ZNF234: variants seen among roughly 807,000 people sequenced by gnomAD.
ZNF234 encodes C2-H2 type zinc finger protein.
ZNF234 carries 4 observed loss-of-function variants against 10.3 expected under a neutral mutation model. The observed-to-expected ratio is 0.39, with a 90% CI of 0.19 to 0.89. The LOEUF is 0.89. Among genes scored for constraint, ZNF234 ranks in the 40% least tolerant of loss-of-function variants. The pLI is 0.38. For missense variants in ZNF234, 711 were observed against 836.1 expected (o/e 0.85, Z 1.85); for synonymous variants, 258 against 280.1 (o/e 0.92, Z 0.79).
chr19:44,143,472 G>A (rs372726721), intron 2 of ZNF234, among the ~76,000 whole-genome samples: 22 of 151,968 alleles, frequency 1.4e-4, no homozygotes, highest in African/African-American at 4.8e-4. Context: ...AGCCGGGCGT[G>A]TTGGCGGGCA....
intron 1 of ZNF234, chr19:44,142,110 C>G (rs1317019269): frequency 2.6e-5 from 4 of 152,364 alleles, no homozygotes; most frequent in African/African-American, 7.2e-5. Context: ...CCTGTTAGGT[C>G]CCCCGGTGGG....
intron 3 of ZNF234, among the ~76,000 whole-genome samples, chr19:44,146,910 G>A (rs1449072472): frequency 6.7e-6 from 1 of 149,692 alleles, no homozygotes; most frequent in African/African-American, 2.5e-5. Context: ...ATGCCTCCCG[G>A]GTTCAAGTGA....
In ZNF234 at chr19:44,157,486, A is replaced by C. The variant is rs769009980; in HGVS notation, c.1470A>C (p.Gly490=). Residue 490 remains glycine, a synonymous_variant, in exon 6 of 6, where the codon GGA becomes GGC. Transcript: ENST00000426739. The part of the protein sequence containing the change: ...GEKPYKCEEC[G]KGFSRRADLK... ...AACCATACAAATGTGAAGAGTGCGG[A>C]AAGGGATTTAGTCGTAGAGCAGATC... 3.4e-5 allele frequency: 55 copies of C among 1,613,854 alleles called. No homozygotes were observed. The highest frequency in any genetic ancestry group is 4.3e-5 in the Non-Finnish European group (51 of 1,179,936).
intron 4 of ZNF234, 51 bp from the exon 5 acceptor site, chr19:44,150,362 A>T: frequency 6.9e-7 from 1 of 1,442,078 alleles, no homozygotes; most frequent in Non-Finnish European, 9.4e-7. Context: ...CAGTAAGTTC[A>T]GTTGTACCTT....
At chr19:44,147,523 CGA>C (rs1187974736) in intron 3 of ZNF234, among the ~76,000 whole-genome samples, 3 of 152,172 alleles carry the variant, frequency 2.0e-5, no homozygotes, top group East Asian at 1.9e-4. Context: ...CAGGTGTGAG[CGA>C]CTGTGCATGG....
Position 44,157,342 on chromosome 19 carries a change from T to G in ZNF234, c.1326T>G (p.Tyr442Ter). 1 of 1,613,962 alleles carries G rather than the reference T, an allele frequency of 6.2e-7. No homozygotes were observed. ...VCGKAFRQSS[Y>*]LKIHLKAHSV... ...GTAAAGCCTTCCGTCAGAGTTCATA[T>G]CTTAAAATCCATCTGAAAGCACATA... The change falls in exon 6 of 6, where the codon TAT (tyrosine) becomes TAG (stop). Residue 442 changes from tyrosine to a stop codon, truncating the protein, a stop_gained. Coordinates refer to ENST00000426739, the MANE Select transcript of ZNF234 (RefSeq NM_006630.3). LOFTEE classifies it low-confidence loss of function (END_TRUNC).
chr19:44,148,715 GTTTCT>G lies in ZNF234; in HGVS notation c.16-51_16-47del, dbSNP rs3215367. The G allele has an allele frequency of 6.8e-6, 11 of 1,608,104 alleles. No homozygotes were observed. In the East Asian group the frequency reaches 2.2e-4, roughly 33 times the overall value. On this transcript the variant is annotated intron_variant, in intron 3 of 5. Coordinates refer to ENST00000426739, the MANE Select transcript of ZNF234 (RefSeq NM_006630.3). Reference sequence around the variant, plus strand: ...ACATACTCTCCACTTTCTCAGTGCTGTTTCTTTTCAAGAGTTTGTTAAAAAGGCTG... The same window carrying G: ...ACATACTCTCCACTTTCTCAGTGCTGTTTCAAGAGTTTGTTAAAAAGGCTG...
intron 4 of ZNF234, among the ~76,000 whole-genome samples, chr19:44,149,422 T>A (rs1166527044): frequency 6.6e-6 from 1 of 152,116 alleles, no homozygotes; most frequent in Non-Finnish European, 1.5e-5. Context: ...CACTCCAGCC[T>A]GGGTGACAGA....
At position 44,159,626 on chromosome 19, in the gene ZNF234, TA is replaced by T. The variant is rs1371767279; in HGVS notation, c.*1508del. The T allele has an allele frequency of 6.3e-6, 3 of 474,622 alleles. No homozygotes were observed. The highest frequency in any genetic ancestry group is 1.9e-5 in the African/African-American group (1 of 51,370). 29.4% of individuals were successfully genotyped at this position (474,622 alleles called of 1,614,324 possible). A position where few individuals can be genotyped will look rare whatever the true frequency, so the allele number is the denominator to read the frequency against. Reference sequence around the variant, plus strand: ...TCTAACACTTTTAAAGTGTCAGAAGTAGTTGCCAATGCCAAATTTTTATCAG... The same window carrying T: ...TCTAACACTTTTAAAGTGTCAGAAGTGTTGCCAATGCCAAATTTTTATCAG... On this transcript the variant is annotated 3_prime_UTR_variant, in exon 6 of 6. Coordinates refer to ENST00000426739, the MANE Select transcript of ZNF234 (RefSeq NM_006630.3).
chr19:44,157,066 T>C lies in ZNF234; in HGVS notation c.1050T>C (p.Gly350=). 6.2e-7 allele frequency: 1 copy of C among 1,614,130 alleles called. No individual in the cohort carries two copies. The highest frequency in any genetic ancestry group is 8.5e-7 in the Non-Finnish European group (1 of 1,180,002). Residue 350 remains glycine (G), a synonymous_variant, in exon 6 of 6, where the codon GGT becomes GGC. Coordinates refer to ENST00000426739, the MANE Select transcript of ZNF234 (RefSeq NM_006630.3). The part of the protein sequence containing the change: ...GEKPYKCEEC[G]KCFIQPSQFQ... The stretch of plus-strand genomic sequence containing the variant: ...AACCTTACAAGTGTGAAGAATGTGG[T>C]AAGTGCTTTATTCAGCCTTCACAAT...
At chr19:44,153,637 T>G (rs1968802449) in intron 5 of ZNF234, among the ~76,000 whole-genome samples, 1 of 152,222 alleles carries the variant, frequency 6.6e-6, no homozygotes, top group Non-Finnish European at 1.5e-5. Flanking sequence ...GCTTTCTTTT[T>G]ATCCCAAGTG....
intron 2 of ZNF234, 23 bp from the exon 3 acceptor site, chr19:44,144,534 G>A: frequency 8.7e-7 from 1 of 1,145,002 alleles, no homozygotes; most frequent in South Asian, 2.8e-5. Flanking sequence ...ACGCTTTCAT[G>A]TCTCTTTTTG....
rs763499774 is a variant in ZNF234 at position 44,157,413 on chromosome 19, A to G, written c.1397A>G (p.Asn466Ser). The change falls in exon 6 of 6, where the codon AAT becomes AGT. Residue 466 changes from asparagine to serine, a missense_variant. By Grantham distance (46) the Asn-to-Ser change is conservative. Coordinates refer to ENST00000426739, the MANE Select transcript of ZNF234 (RefSeq NM_006630.3). Reference protein sequence around the residue: ...FKCEECGQGFNQSSRLQIHQL... With the variant: ...FKCEECGQGFSQSSRLQIHQL... The stretch of plus-strand genomic sequence containing the variant: ...TGTGAAGAGTGTGGGCAGGGCTTCA[A>G]TCAGAGCTCACGACTTCAGATTCAC... 48 of 1,613,662 alleles carry G rather than the reference A, an allele frequency of 3.0e-5. No individual in the cohort carries two copies. Among genetic ancestry groups the G allele is most frequent in the Non-Finnish European group, 3.7e-5 (44 of 1,179,838 alleles).
At chr19:44,155,926 A>G (rs1968867820) in intron 5 of ZNF234, among the ~76,000 whole-genome samples, 4 of 152,070 alleles carry the variant, frequency 2.6e-5, no homozygotes, top group African/African-American at 9.7e-5. Context: ...ATAATTTACT[A>G]TTTATTATTC....
In ZNF234 at chr19:44,157,984, A is replaced by G. The variant is rs1306151331; in HGVS notation, c.1968A>G (p.Ile656Met). Residue 656 changes from isoleucine to methionine, a missense_variant, in exon 6 of 6, where the codon ATA becomes ATG. By Grantham distance (10) the Ile-to-Met change is conservative. Transcript: ENST00000426739. ...GGGAAAAACCTTACAAATGTGAGAT[A>G]TGTGGTAAGAGGTTCAGCTGGCGAT... ...HTGEKPYKCEICGKRFSWRSN... is the reference protein window; with the variant it reads ...HTGEKPYKCEMCGKRFSWRSN... The G allele has an allele frequency of 6.2e-7, 1 of 1,614,004 alleles. No individual in the cohort carries two copies. The highest frequency in any genetic ancestry group is 8.5e-7 in the Non-Finnish European group (1 of 1,179,894).
At chr19:44,151,019 G>C (rs1599697655) in intron 5 of ZNF234, among the ~76,000 whole-genome samples, 1 of 143,154 alleles carries the variant, frequency 7.0e-6, no homozygotes, top group South Asian at 2.3e-4. Flanking sequence ...GCAACAGAGC[G>C]ACACTCCATC....
rs959294791 is a variant in ZNF234, at chr19:44,159,485, T to C, written c.*1366T>C. 3 of 341,730 alleles carry C rather than the reference T, an allele frequency of 8.8e-6. No individual in the cohort carries two copies. The highest frequency in any genetic ancestry group is 6.4e-5 in the African/African-American group (3 of 47,206). 21.2% of individuals were successfully genotyped at this position (341,730 alleles called of 1,614,324 possible). Reference sequence around the variant, plus strand: ...CACCACACCCGGCCAAGTTGAAGTATATTTTGTGATTTTTCTGACAGTGCA... The same window carrying C: ...CACCACACCCGGCCAAGTTGAAGTACATTTTGTGATTTTTCTGACAGTGCA... On this transcript the variant is annotated 3_prime_UTR_variant, in exon 6 of 6. Coordinates refer to ENST00000426739, the MANE Select transcript of ZNF234 (RefSeq NM_006630.3).
rs1234391721 is a variant in ZNF234, at chr19:44,156,825, T to C, written c.809T>C (p.Ile270Thr). The change falls in exon 6 of 6, where the codon ATA becomes ACA. Residue 270 changes from isoleucine to threonine, a missense_variant. By Grantham distance (89) the Ile-to-Thr change is moderately conservative. Transcript: ENST00000426739. Reference protein sequence around the residue: ...YNCEECGRAFIHASHLQEHQR... With the variant: ...YNCEECGRAFTHASHLQEHQR... ...TGTGAGGAATGTGGAAGGGCCTTCATACATGCTTCCCATCTTCAGGAACAT... is the reference window on the plus strand; with the variant it reads ...TGTGAGGAATGTGGAAGGGCCTTCACACATGCTTCCCATCTTCAGGAACAT... The C allele has an allele frequency of 1.9e-6, 3 of 1,609,676 alleles. No homozygotes were observed. Among genetic ancestry groups the C allele is most frequent in the Admixed American group, 1.7e-5 (1 of 59,906 alleles).
In ZNF234 at chr19:44,156,932, C is replaced by T. The variant is rs1169218177; in HGVS notation, c.916C>T (p.His306Tyr). 6.2e-7 allele frequency: 1 copy of T among 1,614,056 alleles called. No homozygotes were observed. Among genetic ancestry groups the T allele is most frequent in the South Asian group, 1.1e-5 (1 of 91,088 alleles). The change falls in exon 6 of 6, where the codon CAT (histidine) becomes TAT (tyrosine). Residue 306 changes from histidine (H) to tyrosine (Y), a missense_variant. Coordinates refer to ENST00000426739, the MANE Select transcript of ZNF234 (RefSeq NM_006630.3). The part of the protein sequence containing the change: ...NFRRRSALNN[H>Y]CMVHTGEKPY... ...CCGTCGTAGATCAGCACTTAATAAT[C>T]ATTGCATGGTCCACACAGGAGAGAA...
Sources: allele counts gnomAD v4.1 joint callset (sites outside exome capture counted in the v4.1 genomes callset), GRCh38; gene constraint gnomAD v4.1.1; transcripts MANE v1.5; gene names NCBI Gene and HGNC (gene_info 2026-07-23, HGNC 2026-07-21).